The following DTWD1 variants were observed in gnomAD, a reference collection of about 807,000 sequenced individuals.
DTWD1 encodes the protein tRNA-uridine aminocarboxypropyltransferase 1.
Under a neutral mutation model 30.2 loss-of-function variants are expected in DTWD1, and 27 were observed. The observed-to-expected ratio is 0.90, with a 90% CI of 0.66 to 1.23. The LOEUF (loss-of-function observed/expected upper bound fraction) is 1.23. Ranked by LOEUF, DTWD1 falls within the 50% of genes most tolerant of loss-of-function variation. The pLI, the probability that DTWD1 is intolerant of heterozygous loss-of-function variation, is 0.00. For synonymous variants in DTWD1, 99 were observed against 113.1 expected, an observed-to-expected ratio of 0.88 and a Z score of 0.79; for missense variants, 342 against 348.8, an observed-to-expected ratio of 0.98 and a Z score of 0.15.
chr15:49,632,014 T>C, intron 2 of DTWD1, 145 bp from the exon 3 acceptor site: 1 of 835,720 alleles, frequency 1.2e-6, no homozygotes, highest in Non-Finnish European at 1.9e-6. Flanking sequence ...ATCACCATTC[T>C]TAATATTATG....
At chr15:49,624,401 C>T (rs1009653897) in intron 1 of DTWD1, among the ~76,000 whole-genome samples, 2 of 152,166 alleles carry the variant, frequency 1.3e-5, no homozygotes, top group Non-Finnish European at 2.9e-5. Context: ...GCAGCCATCA[C>T]CCTTCTTTGA....
intron 2 of DTWD1, chr15:49,631,014 G>T: frequency 2.3e-6 from 1 of 442,892 alleles, no homozygotes; most frequent in Non-Finnish European, 4.6e-6. Context: ...GGACCATCAA[G>T]TTGCAGGAAA....
chr15:49,629,005 G>A (rs983707382), intron 2 of DTWD1, among the ~76,000 whole-genome samples: 15 of 151,932 alleles, frequency 9.9e-5, no homozygotes, highest in Non-Finnish European at 1.8e-4. Context: ...CCCCCAGACG[G>A]GCTCCAGTGT....
chr15:49,630,466 G>A (rs567364618), intron 2 of DTWD1, among the ~76,000 whole-genome samples: 38 of 152,252 alleles, frequency 2.5e-4, no homozygotes, highest in Admixed American at 1.0e-3. Context: ...AAAAGCTGAA[G>A]TCAAGAACAC....
intron 2 of DTWD1, chr15:49,631,956 T>A: frequency 1.7e-6 from 1 of 595,688 alleles, no homozygotes; most frequent in Non-Finnish European, 3.0e-6. Context: ...GTTGTCCTAA[T>A]ACATGAATAA....
intron 2 of DTWD1, among the ~76,000 whole-genome samples, chr15:49,625,962 A>G (rs1436989687): frequency 6.6e-6 from 1 of 152,134 alleles, no homozygotes; most frequent in African/African-American, 2.4e-5. Flanking sequence ...TCACACAATT[A>G]AACATTTTGA....
intron 2 of DTWD1, among the ~76,000 whole-genome samples, chr15:49,627,816 T>G (rs2078863948): frequency 6.6e-6 from 1 of 152,200 alleles, no homozygotes; most frequent in South Asian, 2.1e-4. Flanking sequence ...CAGTGGTGAC[T>G]TGTGAGTGAA....
At position 49,652,028 on chromosome 15, in the gene DTWD1, G is replaced by C. The variant is rs530061288; in HGVS notation, c.*8450G>C. 2 of 152,002 alleles carry C rather than the reference G, an allele frequency of 1.3e-5. No homozygotes were observed. Among genetic ancestry groups the C allele is most frequent in the Non-Finnish European group, 2.9e-5 (2 of 68,002 alleles). The allele number at this position is 152,002 out of a possible 1,614,324, so 9.4% of individuals were successfully genotyped here. A position where few individuals can be genotyped will look rare whatever the true frequency, so the allele number is the denominator to read the frequency against. On this transcript the variant is annotated 3_prime_UTR_variant, in exon 5 of 5. Coordinates refer to ENST00000403028, the MANE Select transcript of DTWD1 (RefSeq NM_001144955.2). ...GATCAATTATCCTTATATAGCATGT[G>C]CCCCAATATGAAGAATAAATGGGTC...
intron 3 of DTWD1, among the ~76,000 whole-genome samples, chr15:49,632,619 A>G (rs2078938457): frequency 6.6e-6 from 1 of 152,166 alleles, no homozygotes; most frequent in Admixed American, 6.6e-5. Context: ...TGCTACATAT[A>G]GATGATCTAA....
intron 2 of DTWD1, among the ~76,000 whole-genome samples, chr15:49,630,563 G>A (rs2078905926): frequency 6.6e-6 from 1 of 152,216 alleles, no homozygotes; most frequent in East Asian, 1.9e-4. Context: ...ACTTGTATAA[G>A]CATTACAAAG....
At chr15:49,637,937 C>T (rs1369457479) in intron 4 of DTWD1, among the ~76,000 whole-genome samples, 1 of 152,104 alleles carries the variant, frequency 6.6e-6, no homozygotes, top group Admixed American at 6.6e-5. Context: ...CGCTTTGTGT[C>T]TTATGTGTGT....
intron 2 of DTWD1, among the ~76,000 whole-genome samples, chr15:49,631,620 C>G (rs2078921754): frequency 6.6e-6 from 1 of 152,050 alleles, no homozygotes; most frequent in Non-Finnish European, 1.5e-5. Flanking sequence ...CAACAATTAG[C>G]TGGGCATGGT....
intron 4 of DTWD1, among the ~76,000 whole-genome samples, chr15:49,641,219 A>G (rs2079061435): frequency 6.6e-6 from 1 of 151,752 alleles, no homozygotes; most frequent in African/African-American, 2.4e-5. Context: ...TCTACTTTCT[A>G]CCATCTTAAT....
chr15:49,624,336 G>C (rs1307101195), intron 1 of DTWD1, among the ~76,000 whole-genome samples: 1 of 152,158 alleles, frequency 6.6e-6, no homozygotes, highest in African/African-American at 2.4e-5. Context: ...GGGCACCAGT[G>C]TTGTTTCTCC....
In DTWD1 at chr15:49,650,344, T is replaced by C. The variant is rs1351421870; in HGVS notation, c.*6766T>C. The C allele has an allele frequency of 1.3e-5, 2 of 151,992 alleles. No homozygotes were observed. Among genetic ancestry groups the C allele is most frequent in the South Asian group, 2.1e-4 (1 of 4,828 alleles). 9.4% of individuals were successfully genotyped at this position (151,992 alleles called of 1,614,324 possible). ...GATTATTTGGCTTCTTTATGAAAAA[T>C]AGACTGCAAGAGAGTAAGAAATAAA... On this transcript the variant is annotated 3_prime_UTR_variant, in exon 5 of 5. Transcript: ENST00000403028.
chr15:49,621,965 T>G (rs73406033), intron 1 of DTWD1, among the ~76,000 whole-genome samples: 1 of 152,106 alleles, frequency 6.6e-6, no homozygotes, highest in Non-Finnish European at 1.5e-5. Flanking sequence ...AGTGTTCCAT[T>G]GGGAGGTGAG....
chr15:49,649,427 CA>C lies in DTWD1; in HGVS notation c.*5855del. 6.6e-6 allele frequency: 1 copy of C among 152,018 alleles called. No homozygotes were observed. Among genetic ancestry groups the C allele is most frequent in the East Asian group, 1.9e-4 (1 of 5,150 alleles). The allele number at this position is 152,018 out of a possible 1,614,324, so 9.4% of individuals were successfully genotyped here. The stretch of plus-strand genomic sequence containing the variant: ...TAAAACGGAGAAGGAAACCAAAAAC[CA>C]AAAAAGAGAGCATTAAGAAGTCAGC... On this transcript the variant is annotated 3_prime_UTR_variant, in exon 5 of 5. Transcript: ENST00000403028.
In DTWD1 at chr15:49,649,425, A is replaced by T. The variant is rs1198498757; in HGVS notation, c.*5847A>T. On this transcript the variant is annotated 3_prime_UTR_variant, in exon 5 of 5. Transcript: ENST00000403028. ...AGTAAAACGGAGAAGGAAACCAAAA[A>T]CCAAAAAAGAGAGCATTAAGAAGTC... is the stretch of plus-strand genomic sequence containing the variant. 6.6e-6 allele frequency: 1 copy of T among 152,156 alleles called. No homozygotes were observed. The highest frequency in any genetic ancestry group is 1.5e-5 in the Non-Finnish European group (1 of 68,068). 9.4% of individuals were successfully genotyped at this position (152,156 alleles called of 1,614,324 possible).
intron 3 of DTWD1, chr15:49,633,734 A>T: frequency 5.2e-6 from 1 of 192,942 alleles, no homozygotes; most frequent in Non-Finnish European, 1.1e-5. Flanking sequence ...GGAAATAGAG[A>T]AACATATGGG....
Sources: gnomAD v4.1 joint callset for allele counts (sites outside exome capture counted in the v4.1 genomes callset) on GRCh38, gnomAD v4.1.1 for gene constraint, MANE v1.5 for transcripts, NCBI Gene and HGNC (gene_info 2026-07-23, HGNC 2026-07-21) for gene names.